The following AFAP1 variants were observed in gnomAD, a reference collection of about 807,000 sequenced individuals.
AFAP1 encodes the protein actin filament associated protein 1, also known as actin filament-associated protein 1.
A neutral mutation model predicts 93.9 loss-of-function variants in AFAP1; 75 were observed. The observed-to-expected ratio is 0.80, with a 90% CI of 0.66 to 0.97. The LOEUF is 0.97. Ranked by LOEUF, AFAP1 falls within the 50% of genes least tolerant of loss-of-function variation. The probability of loss-of-function intolerance (pLI) is 0.00; values close to 1 mark genes in which losing one functional copy is unlikely to be tolerated. For synonymous variants in AFAP1, 517 were observed against 430.7 expected, an observed-to-expected ratio of 1.20 and a Z score of -2.48; for missense variants, 1,201 against 1,050.8, an observed-to-expected ratio of 1.14 and a Z score of -1.98.
At chr4:7,797,736 G>A (rs1044895659) in intron 10 of AFAP1, among the ~76,000 whole-genome samples, 4 of 152,198 alleles carry the variant, frequency 2.6e-5, no homozygotes, top group Non-Finnish European at 5.9e-5. Context: ...TGTATGCATG[G>A]TAGTTTCCTG....
intron 3 of AFAP1, among the ~76,000 whole-genome samples, chr4:7,860,987 C>G (rs1209587115): frequency 6.6e-6 from 1 of 152,218 alleles, no homozygotes; most frequent in African/African-American, 2.4e-5. Flanking sequence ...CACCTTCTTC[C>G]CTACCCCTGC....
chr4:7,904,508 CA>C (rs1210764012), intron 1 of AFAP1, among the ~76,000 whole-genome samples: 1 of 152,124 alleles, frequency 6.6e-6, no homozygotes, highest in Non-Finnish European at 1.5e-5. Context: ...CACGAGGTGC[CA>C]GGCTCTGAGT....
chr4:7,769,972 T>C (rs1213657790), intron 16 of AFAP1, among the ~76,000 whole-genome samples: 1 of 152,126 alleles, frequency 6.6e-6, no homozygotes, highest in Non-Finnish European at 1.5e-5. Context: ...GAGGCCAGGC[T>C]AGGCTGTGAG....
At chr4:7,775,881 A>C (rs1333611586) in intron 14 of AFAP1, 1 of 152,272 alleles carries the variant, frequency 6.6e-6, no homozygotes, top group Non-Finnish European at 1.5e-5. Flanking sequence ...ATTTCATAAA[A>C]TGAATAAATG....
intron 3 of AFAP1, among the ~76,000 whole-genome samples, chr4:7,857,818 G>C (rs890899351): frequency 7.2e-5 from 11 of 152,290 alleles, no homozygotes; most frequent in African/African-American, 2.4e-4. Context: ...AACTAGTACA[G>C]GTCAGACTCC....
chr4:7,815,009 G>C (rs998380560), intron 8 of AFAP1, among the ~76,000 whole-genome samples: 2 of 152,236 alleles, frequency 1.3e-5, no homozygotes, highest in Non-Finnish European at 2.9e-5. Flanking sequence ...CCACCCAAGT[G>C]TTCATCGACA....
intron 17 of AFAP1, among the ~76,000 whole-genome samples, chr4:7,766,107 A>C (rs1714531725): frequency 6.6e-6 from 1 of 152,222 alleles, no homozygotes; most frequent in Non-Finnish European, 1.5e-5. Flanking sequence ...AATTCACAGC[A>C]CTAGCAAATC....
chr4:7,844,802 CCT>C (rs1453012978), intron 4 of AFAP1, among the ~76,000 whole-genome samples: 1 of 152,248 alleles, frequency 6.6e-6, no homozygotes, highest in Non-Finnish European at 1.5e-5. Flanking sequence ...TGATAAGCTC[CCT>C]GAGACAGGAT....
intron 10 of AFAP1, among the ~76,000 whole-genome samples, chr4:7,795,167 A>G (rs1191878503): frequency 6.6e-6 from 1 of 152,174 alleles, no homozygotes; most frequent in African/African-American, 2.4e-5. Flanking sequence ...ACAAGCAGCT[A>G]CTTTTTATGT....
At chr4:7,764,588 A>G (rs867413815) in intron 17 of AFAP1, among the ~76,000 whole-genome samples, 1 of 152,290 alleles carries the variant, frequency 6.6e-6, no homozygotes, top group South Asian at 2.1e-4. Context: ...ATAGAAAAAA[A>G]TTTTTTTAAA....
chr4:7,928,615 T>C (rs189978434), intron 1 of AFAP1, among the ~76,000 whole-genome samples: 1 of 152,322 alleles, frequency 6.6e-6, no homozygotes, highest in East Asian at 1.9e-4. Flanking sequence ...CTCAAACTCC[T>C]GACCTCATGA....
At chr4:7,892,230 A>C (rs1258621792) in intron 1 of AFAP1, among the ~76,000 whole-genome samples, 1 of 152,190 alleles carries the variant, frequency 6.6e-6, no homozygotes, top group Non-Finnish European at 1.5e-5. Flanking sequence ...ACCATTTCTA[A>C]GTACAGAAGC....
At chr4:7,794,784 C>G (rs867491876) in intron 10 of AFAP1, among the ~76,000 whole-genome samples, 14 of 152,262 alleles carry the variant, frequency 9.2e-5, no homozygotes, top group South Asian at 4.1e-4. Context: ...CCTCACCCTC[C>G]CAAAGTGCTA....
intron 1 of AFAP1, among the ~76,000 whole-genome samples, chr4:7,877,362 T>G (rs556316356): frequency 6.6e-6 from 1 of 152,374 alleles, no homozygotes; most frequent in South Asian, 2.1e-4. Flanking sequence ...GAAGACGCAC[T>G]GCGCCCCATC....
intron 9 of AFAP1, among the ~76,000 whole-genome samples, chr4:7,802,124 G>C (rs1377498970): frequency 6.6e-6 from 1 of 152,100 alleles, no homozygotes; most frequent in African/African-American, 2.4e-5. Context: ...TGACTTACTA[G>C]GTACACACTT....
chr4:7,812,824 G>A (rs1720167412), intron 8 of AFAP1, among the ~76,000 whole-genome samples: 1 of 152,194 alleles, frequency 6.6e-6, no homozygotes, highest in Non-Finnish European at 1.5e-5. Flanking sequence ...GGGAGGAATA[G>A]GGGCATGAGA....
chr4:7,810,297 T>C (rs532919844), intron 8 of AFAP1, among the ~76,000 whole-genome samples: 30 of 152,316 alleles, frequency 2.0e-4, no homozygotes, highest in Admixed American at 1.8e-3. Context: ...GATAGGGTTA[T>C]GTGGAAGAGC....
chr4:7,871,410 G>A (rs1390812605), intron 2 of AFAP1, among the ~76,000 whole-genome samples: 1 of 152,170 alleles, frequency 6.6e-6, no homozygotes, highest in Non-Finnish European at 1.5e-5. Flanking sequence ...GTGCCTAGAG[G>A]ACCGGACCCA....
rs531753324 is a variant in AFAP1 at position 7,778,132 on chromosome 4, T to C, written c.1897+630A>G. 8.5e-5 allele frequency: 13 copies of C among 153,322 alleles called. No individual in the cohort carries two copies. The South Asian group carries it at 2.7e-3, about 32-fold the overall frequency. The allele number at this position is 153,322 out of a possible 1,614,324, so 9.5% of individuals were successfully genotyped here. On this transcript the variant is annotated intron_variant, in intron 14 of 17. Transcript: ENST00000420658. ...TCTGTGATTTACCAGCTGTGAGCCT[T>C]GGGGGAGCTGCTTACTCTCTTGGTG...
Sources: allele counts gnomAD v4.1 joint callset (sites outside exome capture counted in the v4.1 genomes callset), GRCh38; gene constraint gnomAD v4.1.1; transcripts MANE v1.5; gene names NCBI Gene and HGNC (gene_info 2026-07-23, HGNC 2026-07-21).